Variants in STPG2 observed in about 807,000 individuals in gnomAD.
The protein encoded by STPG2 is sperm-tail PG-rich repeat-containing protein 2.
STPG2 carries 56 observed loss-of-function variants against 54.2 expected under a neutral mutation model. The ratio of observed to expected loss-of-function variants is 1.03; its 90% confidence interval spans 0.83 to 1.29. The LOEUF is 1.29. STPG2 is among the 50% of genes most tolerant of loss of function. The pLI, the probability that STPG2 is intolerant of heterozygous loss-of-function variation, is 0.00. For missense variants in STPG2, 596 were observed against 544.9 expected, an observed-to-expected ratio of 1.09 and a Z score of -0.93; for synonymous variants, 200 against 181.8, an observed-to-expected ratio of 1.10 and a Z score of -0.81.
chr4:97,955,654 T>A (rs1733649145), intron 7 of STPG2, among the ~76,000 whole-genome samples: 1 of 151,986 alleles, frequency 6.6e-6, no homozygotes, highest in Admixed American at 6.5e-5. Context: ...TTAAAACCGA[T>A]AAAGGACATA....
chr4:97,773,880 C>T (rs1468522912), intron 9 of STPG2, among the ~76,000 whole-genome samples: 2 of 151,892 alleles, frequency 1.3e-5, no homozygotes, highest in South Asian at 2.1e-4. Context: ...CTTGGCATGA[C>T]GATACATGCC....
intron 9 of STPG2, among the ~76,000 whole-genome samples, chr4:97,748,240 T>C (rs1725479398): frequency 6.6e-6 from 1 of 151,578 alleles, no homozygotes; most frequent in Non-Finnish European, 1.5e-5. Context: ...ATGAGGAAGA[T>C]AAACTCTTCA....
chr4:97,743,619 T>C (rs1413958423), intron 9 of STPG2, among the ~76,000 whole-genome samples: 1 of 151,678 alleles, frequency 6.6e-6, no homozygotes, highest in Non-Finnish European at 1.5e-5. Flanking sequence ...GCAGAATTTA[T>C]TTAGCATCTT....
intron 8 of STPG2, among the ~76,000 whole-genome samples, chr4:97,852,885 A>AC (rs1729208676): frequency 6.6e-6 from 1 of 150,424 alleles, no homozygotes; most frequent in African/African-American, 2.5e-5. Flanking sequence ...TGTAGATCTC[A>AC]ATAGAAAAAG....
intron 3 of STPG2, among the ~76,000 whole-genome samples, chr4:98,117,727 T>G (rs1162278656): frequency 6.6e-6 from 1 of 152,068 alleles, no homozygotes; most frequent in Non-Finnish European, 1.5e-5. Flanking sequence ...AGAAAGTTTT[T>G]CATTTCCATT....
At chr4:98,001,761 T>C (rs1208565680) in intron 5 of STPG2, among the ~76,000 whole-genome samples, 1 of 152,172 alleles carries the variant, frequency 6.6e-6, no homozygotes, top group Non-Finnish European at 1.5e-5. Context: ...TGGCTATTAT[T>C]AAATTCTTTT....
At chr4:98,018,604 C>T (rs563490086) in intron 5 of STPG2, among the ~76,000 whole-genome samples, 1 of 152,274 alleles carries the variant, frequency 6.6e-6, no homozygotes, top group African/African-American at 2.4e-5. Context: ...CTGACTTCCA[C>T]AATGGTTGAA....
intron 5 of STPG2, among the ~76,000 whole-genome samples, chr4:98,052,402 C>A (rs1190161093): frequency 2.6e-5 from 4 of 152,034 alleles, no homozygotes; most frequent in Non-Finnish European, 5.9e-5. Context: ...AAAATATTAT[C>A]TATTAATTGA....
intron 9 of STPG2, among the ~76,000 whole-genome samples, chr4:97,742,504 G>A (rs1354207339): frequency 6.8e-6 from 1 of 147,020 alleles, no homozygotes; most frequent in Admixed American, 6.9e-5. Flanking sequence ...GTCCATCAAT[G>A]GATGAATGAA....
chr4:97,469,296 T>C (rs1265488367), intron 4 of STPG2, among the ~76,000 whole-genome samples: 1 of 152,158 alleles, frequency 6.6e-6, no homozygotes, highest in Non-Finnish European at 1.5e-5. Flanking sequence ...CTAAATAATT[T>C]GGATTTGAAA....
chr4:97,441,642 A>G (rs1462824068), intron 4 of STPG2: 1 of 152,002 alleles, frequency 6.6e-6, no homozygotes, highest in East Asian at 1.9e-4. Flanking sequence ...ACTTCTAATA[A>G]AAAAGATATA....
intron 10 of STPG2, among the ~76,000 whole-genome samples, chr4:97,656,647 A>G (rs376318450): frequency 6.6e-6 from 1 of 151,580 alleles, no homozygotes; most frequent in East Asian, 1.9e-4. Context: ...ACCCTTAAAT[A>G]TAAATATATG....
chr4:97,679,898 G>T (rs1171891031), intron 10 of STPG2, among the ~76,000 whole-genome samples: 6 of 151,506 alleles, frequency 4.0e-5, no homozygotes, highest in Non-Finnish European at 7.4e-5. Flanking sequence ...TTTCCCCATT[G>T]CTTGTTTTTC....
chr4:98,026,007 C>A (rs1736407736), intron 5 of STPG2: 1 of 1,047,014 alleles, frequency 9.6e-7, no homozygotes, highest in Non-Finnish European at 1.5e-6. Flanking sequence ...CAGAATGTTG[C>A]AGATTACATG....
chr4:97,535,910 T>C (rs1560648447), intron 4 of STPG2, among the ~76,000 whole-genome samples: 1 of 152,212 alleles, frequency 6.6e-6, no homozygotes, highest in Non-Finnish European at 1.5e-5. Context: ...ACTCTGTGAT[T>C]TTTCACCATC....
chr4:97,906,336 T>C (rs538929564), intron 8 of STPG2, among the ~76,000 whole-genome samples: 3 of 152,304 alleles, frequency 2.0e-5, no homozygotes, highest in Non-Finnish European at 4.4e-5. Context: ...AATCTCTGAA[T>C]ACACCAATAA....
intron 5 of STPG2, among the ~76,000 whole-genome samples, chr4:98,072,820 G>T (rs189882113): frequency 6.6e-6 from 1 of 152,248 alleles, no homozygotes; most frequent in Admixed American, 6.5e-5. Flanking sequence ...CTGTGGAAGA[G>T]TAGCAAGCCA....
chr4:97,707,162 G>A (rs550669275), intron 10 of STPG2, among the ~76,000 whole-genome samples: 7 of 152,216 alleles, frequency 4.6e-5, no homozygotes, highest in African/African-American at 1.7e-4. Flanking sequence ...AATGTTGTTG[G>A]GGAAAGTGAT....
intron 9 of STPG2, among the ~76,000 whole-genome samples, chr4:97,761,971 T>G (rs1171807222): frequency 6.6e-6 from 1 of 152,104 alleles, no homozygotes; most frequent in African/African-American, 2.4e-5. Flanking sequence ...GGAAAATGCA[T>G]AGCTGAAGCA....
Sources: allele counts gnomAD v4.1 joint callset (sites outside exome capture counted in the v4.1 genomes callset), GRCh38; gene constraint gnomAD v4.1.1; transcripts MANE v1.5; gene names NCBI Gene and HGNC (gene_info 2026-07-23, HGNC 2026-07-21).